MYH6: variants seen among roughly 807,000 people sequenced by gnomAD.
The protein encoded by MYH6 is myosin-6.
MYH6 carries 126 observed loss-of-function variants against 223.2 expected under a neutral mutation model. The ratio of observed to expected loss-of-function variants is 0.56; its 90% CI spans 0.49 to 0.65. The LOEUF is 0.65. MYH6 is among the 30% of genes least tolerant of loss of function. MYH6 has a pLI of 0.00. For missense variants in MYH6, 2,040 were observed against 2,536.4 expected, an observed-to-expected ratio of 0.80 and a Z score of 4.20; for synonymous variants, 978 against 1,010.2, an observed-to-expected ratio of 0.97 and a Z score of 0.61.
intron 10 of MYH6, 65 bp downstream of exon 10, chr14:23,403,283 C>A: frequency 2.2e-6 from 3 of 1,365,840 alleles, no homozygotes; most frequent in South Asian, 1.2e-5. Flanking sequence ...CCCTGCCCTG[C>A]ATGCAGGAGT....
chr14:23,403,169 G>A (rs1891662123), intron 10 of MYH6, among the ~76,000 whole-genome samples, 179 bp downstream of exon 10: 1 of 152,044 alleles, frequency 6.6e-6, no homozygotes, highest in Admixed American at 6.5e-5. Context: ...GAGGCGAGAG[G>A]AGACGCAGGT....
chr14:23,382,946 C>T (rs1049117268), intron 37 of MYH6, among the ~76,000 whole-genome samples: 1 of 152,200 alleles, frequency 6.6e-6, no homozygotes, highest in East Asian at 1.9e-4. Flanking sequence ...ATTCCACCGC[C>T]ACCTTCCTGC....
intron 23 of MYH6, 68 bp from the exon 24 acceptor site, chr14:23,393,125 C>A (rs1891288126): frequency 6.2e-7 from 1 of 1,601,322 alleles, no homozygotes; most frequent in Admixed American, 1.7e-5. Flanking sequence ...TCTTTTGCCT[C>A]CTTCTAAACT....
chr14:23,382,075 A>G lies in MYH6; in HGVS notation c.5797-12T>C, dbSNP rs1420438136. On this transcript the variant is annotated splice_polypyrimidine_tract_variant and intron_variant, in intron 38 of 38. Coordinates refer to ENST00000405093, the MANE Select transcript of MYH6 (RefSeq NM_002471.4). The stretch of plus-strand genomic sequence containing the variant: ...TCGTGCATTTTTTGCTGCAAAAAGA[A>G]TAAGAGGTGTGAGGGGGCAGCTGGC... 2 of 1,613,710 alleles carry G rather than the reference A, an allele frequency of 1.2e-6. No individual in the cohort carries two copies. The highest frequency in any genetic ancestry group is 1.1e-5 in the South Asian group (1 of 91,066).
chr14:23,405,641 C>T lies in MYH6; in HGVS notation c.331G>A (p.Ala111Thr). Residue 111 changes from alanine (A) to threonine (T), a missense_variant, in exon 4 of 39, where the codon GCC (alanine) becomes ACC (threonine). Ala to Thr is a moderately conservative substitution (Grantham distance 58). Transcript: ENST00000405093. The surrounding 1 kb of genome is among the most constrained non-coding windows in gnomAD (Gnocchi z 4.7). ...VLFNLKERYA[A>T]WMIYTYSGLF... Reference sequence around the variant, plus strand: ...GAGCCACTCACATATATCATCCAGGCCGCGTAGCGCTCCTTGAGGTTGAAA... The same window carrying T: ...GAGCCACTCACATATATCATCCAGGTCGCGTAGCGCTCCTTGAGGTTGAAA... 6.2e-7 allele frequency: 1 copy of T among 1,614,200 alleles called. No homozygotes were observed. Among genetic ancestry groups the T allele is most frequent in the Non-Finnish European group, 8.5e-7 (1 of 1,180,036 alleles).
In MYH6 at chr14:23,388,788, C is replaced by T. The variant is rs1171891486; in HGVS notation, c.4175+71G>A. On this transcript the variant is annotated intron_variant, in intron 29 of 38. Transcript: ENST00000405093. ...CCACTTCCGTCTCATGACCACTTTG[C>T]CTGTCCCCACCCCAGGTCCTCTCGC... The T allele has an allele frequency of 4.3e-6, 7 of 1,609,894 alleles. No individual in the cohort carries two copies. In the East Asian group the frequency reaches 6.7e-5, roughly 15 times the overall value.
chr14:23,387,492 G>T (rs773217463), intron 32 of MYH6, 37 bp downstream of exon 32: 1 of 1,610,396 alleles, frequency 6.2e-7, no homozygotes, highest in South Asian at 1.1e-5. Flanking sequence ...GACAGCGGCA[G>T]AACAGGGATG....
intron 12 of MYH6, among the ~76,000 whole-genome samples, chr14:23,402,093 AC>A (rs1196436933): frequency 6.6e-6 from 1 of 152,092 alleles, no homozygotes; most frequent in Non-Finnish European, 1.5e-5. Context: ...CTATGTCCTG[AC>A]CCCTGGCCCA....
rs147594242 is a variant in MYH6 at position 23,404,643 on chromosome 14, G to A, written c.642+68C>T. 9.1e-4 allele frequency: 1,322 copies of A among 1,460,260 alleles called. 10 individuals carry two copies. The African/African-American group carries it at 0.014, about 16-fold the overall frequency. The allele number at this position is 1,460,260 out of a possible 1,614,324, so 90.5% of individuals were successfully genotyped here. On this transcript the variant is annotated intron_variant, in intron 7 of 38. Coordinates refer to ENST00000405093, the MANE Select transcript of MYH6 (RefSeq NM_002471.4). ...CCCACCACGTCACAGGGAGGGGAGGGTTAGGGGTAACTCGGGTCAGCCTGC... is the reference window on the plus strand; with the variant it reads ...CCCACCACGTCACAGGGAGGGGAGGATTAGGGGTAACTCGGGTCAGCCTGC...
At chr14:23,399,734 G>A (rs113586532) in intron 14 of MYH6, 114 of 189,118 alleles carry the variant, frequency 6.0e-4, no homozygotes, top group Non-Finnish European at 1.1e-3. Flanking sequence ...CATGAAGGCC[G>A]TGGCTGGGCT....
chr14:23,402,832 G>T, intron 10 of MYH6, 32 bp from the exon 11 acceptor site: 1 of 1,578,062 alleles, frequency 6.3e-7, no homozygotes, highest in Non-Finnish European at 8.7e-7. Flanking sequence ...GCAGGGGCAA[G>T]GGGGCAGGCG....
chr14:23,395,271 T>C (rs1257410561), intron 20 of MYH6, among the ~76,000 whole-genome samples: 1 of 152,274 alleles, frequency 6.6e-6, no homozygotes, highest in Non-Finnish European at 1.5e-5. Context: ...CTTTGTTTAC[T>C]AACAATATGC....
chr14:23,398,447 G>T (rs756224852), intron 15 of MYH6, among the ~76,000 whole-genome samples: 2 of 152,146 alleles, frequency 1.3e-5, no homozygotes, highest in Non-Finnish European at 2.9e-5. Flanking sequence ...ATCGTTCCCT[G>T]CTGGGCATGG....
chr14:23,386,252 A>G (rs533241458), intron 33 of MYH6, 63 bp downstream of exon 33: 1 of 1,613,362 alleles, frequency 6.2e-7, no homozygotes, highest in African/African-American at 1.3e-5. Flanking sequence ...GTATCCAGAC[A>G]CCACTGCTTC....
Position 23,396,334 on chromosome 14 carries a change from T to C in MYH6, c.2379A>G (p.Gln793=), listed in dbSNP as rs752755304. Residue 793 remains glutamine, a synonymous_variant, in exon 20 of 39, where the codon CAA becomes CAG. Coordinates refer to ENST00000405093, the MANE Select transcript of MYH6 (RefSeq NM_002471.4). ...CAATGCGCATGAGCTGGCCCCGGGC[T>C]TGGGCCTGCATGCGCGTGATGATGC... ...LSRIITRMQA[Q]ARGQLMRIEF... is the part of the protein sequence containing the mutation. The C allele has an allele frequency of 1.9e-6, 3 of 1,614,172 alleles. No homozygotes were observed. The East Asian group carries it at 6.7e-5, about 36-fold the overall frequency.
chr14:23,408,227 G>A, intron 1 of MYH6, 26 bp downstream of exon 1: 1 of 985,378 alleles, frequency 1.0e-6, no homozygotes, highest in Middle Eastern at 5.2e-4. Flanking sequence ...GGGCTGCAGG[G>A]CATCCCACCC....
At position 23,396,825 on chromosome 14, in the gene MYH6, G is replaced by A. The variant is rs1006825673; in HGVS notation, c.2169-8C>T. 1.9e-6 allele frequency: 3 copies of A among 1,613,842 alleles called. No individual in the cohort carries two copies. The highest frequency in any genetic ancestry group is 2.5e-6 in the Non-Finnish European group (3 of 1,179,876). On this transcript the variant is annotated splice_region_variant and splice_polypyrimidine_tract_variant and intron_variant, in intron 18 of 38. Transcript: ENST00000405093. ...GGGTTCAGGATGCGATACCTGAGGAGGGAAGTGTCCAGAGTCACCCATGCT... is the reference window on the plus strand; with the variant it reads ...GGGTTCAGGATGCGATACCTGAGGAAGGAAGTGTCCAGAGTCACCCATGCT...
At chr14:23,396,235 A>C in intron 20 of MYH6, 49 bp downstream of exon 20, 1 of 1,613,154 alleles carries the variant, frequency 6.2e-7, no homozygotes, top group Non-Finnish European at 8.5e-7. Flanking sequence ...GACATTGCGG[A>C]TCTGCCTCTA....
In MYH6 at chr14:23,407,433, AG is replaced by A. The variant is rs894372946; in HGVS notation, c.-14+142del. The A allele has an allele frequency of 1.8e-6, 2 of 1,112,004 alleles. No homozygotes were observed. The highest frequency in any genetic ancestry group is 2.5e-6 in the Non-Finnish European group (2 of 802,602). 68.9% of individuals were successfully genotyped at this position (1,112,004 alleles called of 1,614,324 possible). On this transcript the variant is annotated intron_variant, in intron 2 of 38. Coordinates refer to ENST00000405093, the MANE Select transcript of MYH6 (RefSeq NM_002471.4). This position sits in a 1 kb window ranked among gnomAD's most constrained non-coding sequence, Gnocchi z 5.6. ...GTGATGCTGAAGGACAATCTCTGTA[AG>A]GGGTTTCCCTGGGGTGGCATTGGCT...
Sources: gnomAD v4.1 joint callset for allele counts (sites outside exome capture counted in the v4.1 genomes callset) on GRCh38, gnomAD v4.1.1 for gene constraint, Gnocchi (gnomAD v3.1) non-coding constraint, MANE v1.5 for transcripts, NCBI Gene and HGNC (gene_info 2026-07-23, HGNC 2026-07-21) for gene names.